The following DICER1 variants were observed in gnomAD, a reference collection of about 807,000 sequenced individuals.
The protein encoded by DICER1 is dicer 1, ribonuclease III.
A neutral mutation model predicts 194.1 loss-of-function variants in DICER1; 43 were observed. That is an observed-to-expected ratio of 0.22 (90% confidence interval 0.17 to 0.29). The LOEUF is 0.29. Ranked by LOEUF, DICER1 falls within the 10% of genes least tolerant of loss-of-function variation. The pLI, the probability that DICER1 is intolerant of heterozygous loss-of-function variation, is 1.00. For synonymous variants in DICER1, 832 were observed against 820.5 expected (o/e 1.01, Z -0.24); for missense variants, 1,608 against 2,317.0 (o/e 0.69, Z 6.28).
rs1220102273 is a variant in DICER1, at chr14:95,105,356, C to T, written c.3094-110G>A. 11 of 1,031,064 alleles carry T rather than the reference C, an allele frequency of 1.1e-5. No individual in the cohort carries two copies. Among genetic ancestry groups the T allele is most frequent in the Non-Finnish European group, 1.6e-5 (11 of 677,224 alleles). 63.9% of individuals were successfully genotyped at this position (1,031,064 alleles called of 1,614,324 possible). A position where few individuals can be genotyped will look rare whatever the true frequency, so the allele number is the denominator to read the frequency against. ...AAGAAAATCATAAATGCTAGTAAAA[C>T]TTAATTTTAAAAAATATTTGTAAAA... On this transcript the variant is annotated intron_variant, in intron 19 of 26. Transcript: ENST00000343455. This position sits in a 1 kb window ranked among gnomAD's most constrained non-coding sequence, Gnocchi z 4.9.
chr14:95,115,044 T>A (rs1327670545), intron 11 of DICER1, among the ~76,000 whole-genome samples: 1 of 152,200 alleles, frequency 6.6e-6, no homozygotes, highest in Non-Finnish European at 1.5e-5. Flanking sequence ...AACATTCTCA[T>A]GAAACTGAAT....
intron 1 of DICER1, among the ~76,000 whole-genome samples, chr14:95,138,336 AAC>A (rs200891209): frequency 0.013 from 2,036 of 151,956 alleles, 57 homozygotes; most frequent in Middle Eastern, 0.024. Context: ...GGAAAAAAAA[AAC>A]AGAGAAATGA....
At chr14:95,145,866 C>T (rs980706553) in intron 1 of DICER1, among the ~76,000 whole-genome samples, 4 of 152,146 alleles carry the variant, frequency 2.6e-5, no homozygotes, top group African/African-American at 9.6e-5. Context: ...ATTCGCTGCA[C>T]ATTAACCTAG....
At chr14:95,095,706 C>T in intron 23 of DICER1, 119 bp downstream of exon 23, 1 of 1,074,554 alleles carries the variant, frequency 9.3e-7, no homozygotes, top group Non-Finnish European at 1.4e-6. Context: ...CCCGCCCCAT[C>T]CCTTGAATAT....
At chr14:95,106,993 A>C (rs1891480292) in intron 17 of DICER1, among the ~76,000 whole-genome samples, 1 of 152,148 alleles carries the variant, frequency 6.6e-6, no homozygotes. Flanking sequence ...ATTATTTTTT[A>C]AGCAAGTATA....
At chr14:95,141,329 A>C (rs2140365538) in intron 1 of DICER1, 1 of 152,386 alleles carries the variant, frequency 6.6e-6, no homozygotes, top group African/African-American at 2.4e-5. Context: ...TGTTAATGTT[A>C]ATGTCGGGCA....
chr14:95,090,570 A>C lies in DICER1; in HGVS notation c.5697T>G (p.Ile1899Met). The change falls in exon 27 of 27, where the codon ATT becomes ATG. Residue 1899 changes from isoleucine to methionine, a missense_variant. Physicochemically the swap from Ile to Met is conservative, Grantham distance 10. Around this residue, in one of 10 missense-constraint regions of DICER1, gnomAD observed 138 missense variants for 298.3 expected, o/e 0.46. Transcript: ENST00000343455. ...KFKGVGRSYR[I>M]AKSAAARRAL... ...CTCTTCTTGCTGCTGCAGATTTGGC[A>C]ATCCTGTAACTTCGACCAACACCTT... 6.2e-7 allele frequency: 1 copy of C among 1,614,182 alleles called. No homozygotes were observed. The highest frequency in any genetic ancestry group is 8.5e-7 in the Non-Finnish European group (1 of 1,180,042).
intron 1 of DICER1, among the ~76,000 whole-genome samples, chr14:95,144,928 A>C (rs1356750465): frequency 6.6e-6 from 1 of 152,232 alleles, no homozygotes; most frequent in Non-Finnish European, 1.5e-5. Context: ...TGGCACCAAG[A>C]TGAATCTGCA....
At chr14:95,152,756 C>T (rs775913791) in intron 1 of DICER1, among the ~76,000 whole-genome samples, 9 of 152,190 alleles carry the variant, frequency 5.9e-5, no homozygotes, top group Non-Finnish European at 1.3e-4. Flanking sequence ...GATGAGGAAG[C>T]CATTTTGCAC....
intron 6 of DICER1, among the ~76,000 whole-genome samples, chr14:95,127,005 G>T (rs889447593): frequency 3.3e-5 from 5 of 152,160 alleles, no homozygotes; most frequent in East Asian, 1.9e-4. Context: ...GGCAAGGGGA[G>T]AAGAGGGGAA....
At chr14:95,119,952 A>T (rs1056494814) in intron 8 of DICER1, among the ~76,000 whole-genome samples, 27 of 152,226 alleles carry the variant, frequency 1.8e-4, no homozygotes, top group African/African-American at 6.5e-4. Flanking sequence ...CTTTGTGTGT[A>T]TATGTACATC....
At position 95,105,109 on chromosome 14, in the gene DICER1, A is replaced by G; in HGVS notation, c.3231T>C (p.Asp1077=). ...AEELRAQTAS[D]AGVGVRSLPA... ...GAAGTGATCTGACTCCCACGCCAGC[A>G]TCGCTGGCAGTCTGGGCTCTTAGCT... Residue 1077 remains aspartate, a synonymous_variant, in exon 20 of 27, where the codon GAT becomes GAC. Coordinates refer to ENST00000343455, the MANE Select transcript of DICER1 (RefSeq NM_177438.3). This position sits in a 1 kb window ranked among gnomAD's most constrained non-coding sequence, Gnocchi z 4.9. 6.2e-7 allele frequency: 1 copy of G among 1,614,218 alleles called. No homozygotes were observed. Among genetic ancestry groups the G allele is most frequent in the African/African-American group, 1.3e-5 (1 of 75,072 alleles).
At chr14:95,127,237 A>C (rs945843086) in intron 6 of DICER1, among the ~76,000 whole-genome samples, 2 of 152,218 alleles carry the variant, frequency 1.3e-5, no homozygotes, top group African/African-American at 4.8e-5. Context: ...ATTTCTAAAA[A>C]ACTCACTACA....
chr14:95,110,535 T>C (rs1386385342), intron 14 of DICER1, among the ~76,000 whole-genome samples: 2 of 152,180 alleles, frequency 1.3e-5, no homozygotes, highest in African/African-American at 4.8e-5. Context: ...TTTTTTTCCT[T>C]GTCAACGTTC....
intron 24 of DICER1, 104 bp downstream of exon 24, chr14:95,093,783 CT>C: frequency 7.9e-7 from 1 of 1,271,368 alleles, no homozygotes; most frequent in East Asian, 2.3e-5. Flanking sequence ...TCCCACACCC[CT>C]GACCTCCTGC....
rs749200376 is a variant in DICER1 at position 95,087,324 on chromosome 14, G to A, written c.*3174C>T. 40 of 232,762 alleles carry A rather than the reference G, an allele frequency of 1.7e-4. No homozygotes were observed. Among genetic ancestry groups the A allele is most frequent in the African/African-American group, 3.1e-4 (14 of 45,254 alleles). 14.4% of individuals were successfully genotyped at this position (232,762 alleles called of 1,614,324 possible). A position where few individuals can be genotyped will look rare whatever the true frequency, so the allele number is the denominator to read the frequency against. On this transcript the variant is annotated 3_prime_UTR_variant, in exon 27 of 27. Coordinates refer to ENST00000343455, the MANE Select transcript of DICER1 (RefSeq NM_177438.3). The stretch of plus-strand genomic sequence containing the variant: ...GTCATTCTAAATTTCATCACTTCAC[G>A]TAATATAAAAGAAAAAAGAAAAGAA...
intron 1 of DICER1, among the ~76,000 whole-genome samples, chr14:95,135,369 C>T (rs1383702188): frequency 6.6e-6 from 1 of 152,090 alleles, no homozygotes; most frequent in Admixed American, 6.5e-5. Context: ...AAAAGAGGGC[C>T]GTGATGTAAA....
intron 1 of DICER1, among the ~76,000 whole-genome samples, chr14:95,146,098 C>G (rs1262142717): frequency 6.6e-6 from 1 of 152,236 alleles, no homozygotes; most frequent in Non-Finnish European, 1.5e-5. Context: ...AGAGCAGCAG[C>G]AGGCAGACAA....
intron 7 of DICER1, among the ~76,000 whole-genome samples, chr14:95,125,911 G>A (rs1195354157): frequency 6.6e-6 from 1 of 152,076 alleles, no homozygotes; most frequent in Non-Finnish European, 1.5e-5. Flanking sequence ...TGCAAAGATT[G>A]AGAAAAATGT....
Sources: allele counts gnomAD v4.1 joint callset (sites outside exome capture counted in the v4.1 genomes callset), GRCh38; gene constraint gnomAD v4.1.1; regional missense constraint gnomAD v4.1.1; non-coding constraint Gnocchi (gnomAD v3.1); transcripts MANE v1.5; gene names NCBI Gene and HGNC (gene_info 2026-07-23, HGNC 2026-07-21).